TEF: variants seen among roughly 807,000 people sequenced by gnomAD.
The protein encoded by TEF is TEF transcription factor, PAR bZIP family member.
Under a neutral mutation model 20.8 loss-of-function variants are expected in TEF, and 3 were observed. The ratio of observed to expected loss-of-function variants is 0.14; its 90% CI spans 0.07 to 0.37. The LOEUF is 0.37. TEF is among the 10% of genes least tolerant of loss of function. The pLI, the probability that TEF is intolerant of heterozygous loss-of-function variation, is 1.00. For missense variants in TEF, 296 were observed against 397.9 expected (o/e 0.74, Z 2.18); for synonymous variants, 180 against 171.1 (o/e 1.05, Z -0.41).
chr22:41,395,061 C>T (rs958165746), intron 3 of TEF, among the ~76,000 whole-genome samples: 1 of 152,144 alleles, frequency 6.6e-6, no homozygotes, highest in Non-Finnish European at 1.5e-5. Flanking sequence ...GGCTGGAGTG[C>T]AGTGGCGTGA....
At position 41,392,546 on chromosome 22, in the gene TEF, C is replaced by T. The variant is rs150697802; in HGVS notation, c.476-1550C>T. Among the ~76,000 whole-genome samples, 53 of 151,236 alleles carry T rather than the reference C, an allele frequency of 3.5e-4. No individual in the cohort carries two copies. The East Asian group carries it at 6.6e-3, about 19-fold the overall frequency. ...AAAATTAGCCGAGCATGGTAGTGGG[C>T]GCCAGTAGTCCCAGCTACTTGGGAG... On this transcript the variant is annotated intron_variant, in intron 2 of 3. Transcript: ENST00000266304.
intron 1 of TEF, among the ~76,000 whole-genome samples, chr22:41,371,728 C>T (rs1310976439): frequency 6.6e-6 from 1 of 152,182 alleles, no homozygotes; most frequent in African/African-American, 2.4e-5. Context: ...CTTTGAAGAA[C>T]TGGATGGTAC....
chr22:41,375,555 G>T (rs1428179661), intron 1 of TEF, among the ~76,000 whole-genome samples: 3 of 152,068 alleles, frequency 2.0e-5, no homozygotes, highest in Non-Finnish European at 4.4e-5. Context: ...TCGAGGCCAT[G>T]CTGGCTAACA....
upstream of TEF, among the ~76,000 whole-genome samples, chr22:41,377,462 T>C (rs1238574302): frequency 6.6e-6 from 1 of 152,220 alleles, no homozygotes; most frequent in Non-Finnish European, 1.5e-5. Flanking sequence ...TTATGGGGTT[T>C]ATTTCTTTGT....
upstream of TEF, among the ~76,000 whole-genome samples, chr22:41,377,439 T>C (rs992993202): frequency 4.6e-5 from 7 of 152,200 alleles, no homozygotes; most frequent in Non-Finnish European, 1.5e-5. Flanking sequence ...AATCGTGTAA[T>C]AACATGTTCT....
chr22:41,371,666 T>C (rs1011010347), intron 1 of TEF, among the ~76,000 whole-genome samples: 5 of 152,232 alleles, frequency 3.3e-5, no homozygotes, highest in Non-Finnish European at 7.3e-5. Context: ...TCGTGCGTCT[T>C]CCACCTACAT....
At chr22:41,395,700 C>T (rs2037218858) in intron 3 of TEF, 45 bp from the exon 4 acceptor site, 2 of 1,596,866 alleles carry the variant, frequency 1.3e-6, no homozygotes, top group East Asian at 2.2e-5. Flanking sequence ...ATTGGGTTCT[C>T]TCGTGGGGAA....
intron 1 of TEF, 46 bp downstream of exon 1, chr22:41,382,247 AC>A: frequency 2.9e-6 from 1 of 349,720 alleles, no homozygotes; most frequent in Non-Finnish European, 4.0e-6. Flanking sequence ...CGGGGCTTAT[AC>A]AGGGGCGGGG....
upstream of TEF, among the ~76,000 whole-genome samples, chr22:41,380,865 G>C (rs547465643): frequency 1.6e-4 from 25 of 152,260 alleles, no homozygotes; most frequent in Admixed American, 3.3e-4. Context: ...GGAGGTTTTT[G>C]TTTTCTAGGT....
At position 41,396,212 on chromosome 22, in the gene TEF, T is replaced by A; in HGVS notation, c.*252T>A. 1 of 465,978 alleles carries A rather than the reference T, an allele frequency of 2.1e-6. No individual in the cohort carries two copies. Among genetic ancestry groups the A allele is most frequent in the South Asian group, 2.6e-5 (1 of 38,156 alleles). The allele number at this position is 465,978 out of a possible 1,614,324, so 28.9% of individuals were successfully genotyped here. A position where few individuals can be genotyped will look rare whatever the true frequency, so the allele number is the denominator to read the frequency against. On this transcript the variant is annotated 3_prime_UTR_variant, in exon 4 of 4. Transcript: ENST00000266304. ...CGTAGATGGGTGACTCAGCCTTAGT[T>A]TCTATTCTTGGATGTCCCAGTTGAA...
upstream of TEF, among the ~76,000 whole-genome samples, chr22:41,381,255 C>T (rs1323479272): frequency 6.6e-6 from 1 of 152,216 alleles, no homozygotes; most frequent in African/African-American, 2.4e-5. Context: ...GTCCCTGCCC[C>T]GCGACCCTGG....
Position 41,387,386 on chromosome 22 carries a change from G to C in TEF, c.193G>C (p.Glu65Gln). ...GGGGAAGGAAAAGCTGGAGGAGGAC[G>C]AGGCCGCAGCCGCCAGCACCATGGC... ...EKGKEKLEED[E>Q]AAAASTMAVS... Residue 65 changes from glutamate to glutamine, a missense_variant, in exon 2 of 4, where the codon GAG becomes CAG. Coordinates refer to ENST00000266304, the MANE Select transcript of TEF (RefSeq NM_003216.4). 6.2e-7 allele frequency: 1 copy of C among 1,614,202 alleles called. No individual in the cohort carries two copies. Among genetic ancestry groups the C allele is most frequent in the Non-Finnish European group, 8.5e-7 (1 of 1,180,038 alleles).
chr22:41,389,166 C>T (rs1349500286), intron 2 of TEF, among the ~76,000 whole-genome samples: 1 of 151,960 alleles, frequency 6.6e-6, no homozygotes, highest in Non-Finnish European at 1.5e-5. Flanking sequence ...TTTGGGAGGC[C>T]GAGGTGGGTG....
upstream of TEF, among the ~76,000 whole-genome samples, chr22:41,381,119 A>C (rs990659797): frequency 6.6e-5 from 10 of 152,154 alleles, no homozygotes; most frequent in Non-Finnish European, 1.2e-4. Context: ...GGGCAACCCG[A>C]CACCCCGCTC....
chr22:41,378,634 G>C (rs1432704947), upstream of TEF, among the ~76,000 whole-genome samples: 1 of 151,752 alleles, frequency 6.6e-6, no homozygotes, highest in Non-Finnish European at 1.5e-5. Flanking sequence ...GTGAGCCACT[G>C]TGCCCGGCTA....
Position 41,397,158 on chromosome 22 carries a change from T to C in TEF, c.*1198T>C, listed in dbSNP as rs1392783667. 1.5e-5 allele frequency: 6 copies of C among 398,576 alleles called. No homozygotes were observed. The allele number at this position is 398,576 out of a possible 1,614,324, so 24.7% of individuals were successfully genotyped here. ...AGGTCACAGTGCCACTTTCACGGGA[T>C]AGCAGGCTCTTGGGACTTTTACACA... On this transcript the variant is annotated 3_prime_UTR_variant, in exon 4 of 4. Transcript: ENST00000266304.
chr22:41,382,734 A>C (rs376181680), intron 1 of TEF, among the ~76,000 whole-genome samples: 3 of 151,848 alleles, frequency 2.0e-5, no homozygotes, highest in Admixed American at 6.6e-5. Context: ...AGCGCCAGCT[A>C]CTAGGTCCAA....
At chr22:41,395,250 C>T (rs1020996940) in intron 3 of TEF, among the ~76,000 whole-genome samples, 2 of 152,172 alleles carry the variant, frequency 1.3e-5, no homozygotes, top group Non-Finnish European at 1.5e-5. Context: ...AAGTGATCCA[C>T]CTGCCTCAGC....
chr22:41,386,852 T>C (rs1260860727), intron 1 of TEF, among the ~76,000 whole-genome samples: 1 of 152,108 alleles, frequency 6.6e-6, no homozygotes, highest in Non-Finnish European at 1.5e-5. Flanking sequence ...GAGACCAGCC[T>C]GGCCAACATA....
Sources: gnomAD v4.1 joint callset for allele counts (sites outside exome capture counted in the v4.1 genomes callset) on GRCh38, gnomAD v4.1.1 for gene constraint, MANE v1.5 for transcripts, NCBI Gene and HGNC (gene_info 2026-07-23, HGNC 2026-07-21) for gene names.